Variants in MAGI1 observed in about 807,000 individuals in gnomAD.
The protein encoded by MAGI1 is membrane associated guanylate kinase, WW and PDZ domain containing 1.
A neutral mutation model predicts 139.9 loss-of-function variants in MAGI1; 58 were observed. That is an observed-to-expected ratio of 0.41 (90% CI 0.34 to 0.52). The LOEUF (loss-of-function observed/expected upper bound fraction) is 0.52. Ranked by LOEUF, MAGI1 falls within the 20% of genes least tolerant of loss-of-function variation. MAGI1 has a pLI of 0.12. For synonymous variants in MAGI1, 812 were observed against 737.9 expected, an observed-to-expected ratio of 1.10 and a Z score of -1.63; for missense variants, 1,874 against 1,901.6, an observed-to-expected ratio of 0.99 and a Z score of 0.27.
At chr3:66,006,050 G>C (rs2066996490) in intron 1 of MAGI1, among the ~76,000 whole-genome samples, 1 of 152,178 alleles carries the variant, frequency 6.6e-6, no homozygotes, top group Non-Finnish European at 1.5e-5. Context: ...TCAGTAATTT[G>C]TTAAGTGACA....
chr3:65,905,787 C>G (rs1367374761), intron 1 of MAGI1, among the ~76,000 whole-genome samples: 1 of 152,172 alleles, frequency 6.6e-6, no homozygotes, highest in Non-Finnish European at 1.5e-5. Context: ...TGTAGTCTAA[C>G]AACTTAGTTG....
At chr3:65,464,376 C>A (rs538585583) in intron 5 of MAGI1, among the ~76,000 whole-genome samples, 1 of 152,040 alleles carries the variant, frequency 6.6e-6, no homozygotes, top group South Asian at 2.1e-4. Context: ...ATGTTTAGTG[C>A]TGTAAATTTA....
rs779588733 is a variant in MAGI1 at position 65,627,485 on chromosome 3, C to CTTTTTTTTTTTTTTTTTTTTTTTTT, written c.314-5422_314-5398dup. Among the ~76,000 whole-genome samples the CTTTTTTTTTTTTTTTTTTTTTTTTT allele has an allele frequency of 1.1e-4, 3 of 28,322 alleles. 1 individual carries two copies. The highest frequency in any genetic ancestry group is 3.5e-4 in the African/African-American group (3 of 8,462). 18.6% of individuals were successfully genotyped at this position (28,322 alleles called of 152,430 possible). On this transcript the variant is annotated intron_variant, in intron 1 of 22. Transcript: ENST00000402939. ...TTGCCGTTATTTTATATTTCTGTAT[C>CTTTTTTTTTTTTTTTTTTTTTTTTT]TTTTTTTTTTTTTTTTTTTTTTTTT...
intron 5 of MAGI1, among the ~76,000 whole-genome samples, chr3:65,454,790 G>A (rs1949283977): frequency 6.6e-6 from 1 of 151,040 alleles, no homozygotes; most frequent in Non-Finnish European, 1.5e-5. Context: ...CATATCAACT[G>A]TGTTAAAATA....
intron 2 of MAGI1, among the ~76,000 whole-genome samples, chr3:65,544,720 TC>T (rs1470777911): frequency 6.6e-6 from 1 of 152,104 alleles, no homozygotes; most frequent in Non-Finnish European, 1.5e-5. Flanking sequence ...TTCTGATCCA[TC>T]ACCAAGCCAC....
At chr3:65,920,693 C>G (rs1368746075) in intron 1 of MAGI1, among the ~76,000 whole-genome samples, 1 of 152,202 alleles carries the variant, frequency 6.6e-6, no homozygotes, top group Admixed American at 6.5e-5. Flanking sequence ...TTGAATTACC[C>G]TCCCCCCATG....
chr3:65,360,964 A>G, intron 22 of MAGI1: 1 of 1,424,014 alleles, frequency 7.0e-7, no homozygotes, highest in Non-Finnish European at 9.2e-7. Context: ...TCTGATTATC[A>G]GAAAGGGGGC....
chr3:65,997,798 A>C (rs909500630), intron 1 of MAGI1, among the ~76,000 whole-genome samples: 1 of 152,070 alleles, frequency 6.6e-6, no homozygotes, highest in African/African-American at 2.4e-5. Context: ...CCCCCTCGAC[A>C]CCAGGAACCT....
intron 1 of MAGI1, among the ~76,000 whole-genome samples, chr3:65,725,626 A>T (rs540489108): frequency 6.6e-6 from 1 of 152,318 alleles, no homozygotes; most frequent in East Asian, 1.9e-4. Flanking sequence ...CATAGCATGG[A>T]AAAGAAGAAA....
At chr3:65,707,922 G>C (rs530216367) in intron 1 of MAGI1, among the ~76,000 whole-genome samples, 1 of 152,056 alleles carries the variant, frequency 6.6e-6, no homozygotes, top group South Asian at 2.1e-4. Context: ...TCCAACCTGC[G>C]GCTGTAACTG....
Position 65,945,508 on chromosome 3 carries a change from T to A in MAGI1, c.313+92488A>T, listed in dbSNP as rs1455187586. 1.9e-3 allele frequency among the ~76,000 whole-genome samples: 280 copies of A among 148,942 alleles called. 1 individual carries two copies. The highest frequency in any genetic ancestry group is 6.3e-3 in the African/African-American group (260 of 41,464). ...ATATTTGAGTCCTTGTGGACCAACC[T>A]TGTCTAATAGGTAGACAAGGGTGAA... On this transcript the variant is annotated intron_variant, in intron 1 of 22. Coordinates refer to ENST00000402939, the MANE Select transcript of MAGI1 (RefSeq NM_001033057.2).
rs191116329 is a variant in MAGI1, at chr3:65,539,613, T to C, written c.431-45982A>G. Among the ~76,000 whole-genome samples the C allele has an allele frequency of 1.4e-4, 22 of 152,220 alleles. No homozygotes were observed. The East Asian group carries it at 1.9e-3, about 13-fold the overall frequency. ...TCAATGAGGAGGGTGCAAGGAAATA[T>C]ACTTGGATCAAAAGCCTGGCCAGGC... is the stretch of plus-strand genomic sequence containing the variant. On this transcript the variant is annotated intron_variant, in intron 2 of 22. Coordinates refer to ENST00000402939, the MANE Select transcript of MAGI1 (RefSeq NM_001033057.2).
chr3:65,641,270 A>G (rs143929834), intron 1 of MAGI1, among the ~76,000 whole-genome samples: 6 of 152,308 alleles, frequency 3.9e-5, no homozygotes, highest in African/African-American at 1.4e-4. Flanking sequence ...AGGCTTACTC[A>G]GAGTGGAAGT....
At chr3:65,544,653 G>A (rs1193813600) in intron 2 of MAGI1, among the ~76,000 whole-genome samples, 2 of 152,070 alleles carry the variant, frequency 1.3e-5, no homozygotes, top group Non-Finnish European at 2.9e-5. Flanking sequence ...TTTGTGGTTT[G>A]GACAATTTTC....
intron 2 of MAGI1, among the ~76,000 whole-genome samples, chr3:65,526,611 G>A (rs2078392085): frequency 6.6e-6 from 1 of 152,150 alleles, no homozygotes. Context: ...ACCTGCAATT[G>A]CTTATAAAGT....
chr3:65,658,319 C>T (rs1465283224), intron 1 of MAGI1, among the ~76,000 whole-genome samples: 1 of 152,094 alleles, frequency 6.6e-6, no homozygotes, highest in Non-Finnish European at 1.5e-5. Flanking sequence ...AGCAATACAT[C>T]AGTACAGGAA....
intron 12 of MAGI1, among the ~76,000 whole-genome samples, chr3:65,403,118 A>G (rs1001622669): frequency 6.6e-6 from 1 of 152,172 alleles, no homozygotes; most frequent in Non-Finnish European, 1.5e-5. Flanking sequence ...TCTCTGTCTC[A>G]GTTTCTCCAT....
chr3:65,954,316 T>C (rs575583311), intron 1 of MAGI1: 13 of 152,506 alleles, frequency 8.5e-5, no homozygotes, highest in African/African-American at 3.1e-4. Flanking sequence ...AGAAGCTATT[T>C]TGTGGGAAAG....
At chr3:65,980,145 G>A (rs974550444) in intron 1 of MAGI1, among the ~76,000 whole-genome samples, 1 of 152,220 alleles carries the variant, frequency 6.6e-6, no homozygotes, top group Non-Finnish European at 1.5e-5. Context: ...GGGCCAAAAA[G>A]TTAGGTGTTT....
Sources: allele counts gnomAD v4.1 joint callset (sites outside exome capture counted in the v4.1 genomes callset), GRCh38; gene constraint gnomAD v4.1.1; transcripts MANE v1.5; gene names NCBI Gene and HGNC (gene_info 2026-07-23, HGNC 2026-07-21).